Variants in PLEKHG4B observed in about 807,000 individuals in gnomAD.
The protein encoded by PLEKHG4B is pleckstrin homology domain-containing family G member 4B.
A neutral mutation model predicts 121.3 loss-of-function variants in PLEKHG4B; 111 were observed. The observed-to-expected ratio is 0.92, with a 90% CI of 0.78 to 1.07. PLEKHG4B has a LOEUF of 1.07. PLEKHG4B is among the 50% of genes least tolerant of loss of function. PLEKHG4B has a pLI of 0.00. For synonymous variants in PLEKHG4B, 738 were observed against 725.0 expected, an observed-to-expected ratio of 1.02 and a Z score of -0.29; for missense variants, 1,831 against 1,757.8, an observed-to-expected ratio of 1.04 and a Z score of -0.74.
chr5:92,828 G>A (rs1419520386), intron 1 of PLEKHG4B, among the ~76,000 whole-genome samples: 2 of 151,990 alleles, frequency 1.3e-5, no homozygotes, highest in African/African-American at 2.4e-5. Flanking sequence ...GTGGTGGCCC[G>A]GAACAAAGAG....
At chr5:134,113 ATATATATATG>A (rs1208707836) in intron 2 of PLEKHG4B, among the ~76,000 whole-genome samples, 6 of 125,780 alleles carry the variant, frequency 4.8e-5, no homozygotes, top group Admixed American at 8.0e-5. Flanking sequence ...ATATATATAT[ATATATATATG>A]TGATGGAATA....
intron 1 of PLEKHG4B, among the ~76,000 whole-genome samples, chr5:112,757 G>A (rs1734193216): frequency 6.6e-6 from 1 of 152,206 alleles, no homozygotes; most frequent in Non-Finnish European, 1.5e-5. Flanking sequence ...TGTTTTCTGA[G>A]AACAAAGTGG....
At chr5:93,677 G>A (rs1314246973) in intron 1 of PLEKHG4B, among the ~76,000 whole-genome samples, 1 of 152,224 alleles carries the variant, frequency 6.6e-6, no homozygotes, top group Non-Finnish European at 1.5e-5. Context: ...TCCTGGTAGA[G>A]GGGCGCTGCT....
At chr5:151,101 C>G (rs1275729083) in intron 6 of PLEKHG4B, among the ~76,000 whole-genome samples, 1 of 152,186 alleles carries the variant, frequency 6.6e-6, no homozygotes, top group Non-Finnish European at 1.5e-5. Context: ...CTATTTATGT[C>G]TAGAAAAGGC....
At chr5:96,318 G>C (rs1426733056) in intron 1 of PLEKHG4B, among the ~76,000 whole-genome samples, 1 of 152,182 alleles carries the variant, frequency 6.6e-6, no homozygotes, top group Non-Finnish European at 1.5e-5. Context: ...TGAAATGAGA[G>C]AGATGGAGAT....
At chr5:136,282 C>A (rs925400384) in intron 2 of PLEKHG4B, among the ~76,000 whole-genome samples, 6 of 152,124 alleles carry the variant, frequency 3.9e-5, no homozygotes, top group African/African-American at 1.2e-4. Context: ...TTAGATATGA[C>A]ACCAAAAGCA....
At position 164,518 on chromosome 5, in the gene PLEKHG4B, CAG is replaced by C. The variant is rs567601656; in HGVS notation, c.3476+971_3476+972del. 4.8e-3 allele frequency among the ~76,000 whole-genome samples: 421 copies of C among 87,492 alleles called. 12 individuals carry two copies. Among genetic ancestry groups the C allele is most frequent in the South Asian group, 7.7e-3 (23 of 2,980 alleles). 57.4% of individuals were successfully genotyped at this position (87,492 alleles called of 152,430 possible). On this transcript the variant is annotated intron_variant, in intron 13 of 19. Coordinates refer to ENST00000637938, the MANE Select transcript of PLEKHG4B (RefSeq NM_052909.5). ...GCTCTGACAGGGGGCGGAGCTCACA[CAG>C]TAATGCTGTGACAGGGGGCGGAGCT... is the stretch of plus-strand genomic sequence containing the variant.
intron 13 of PLEKHG4B, among the ~76,000 whole-genome samples, chr5:166,517 A>AGCTCACACTAATGCTCTGACGGGGCGGG (rs1288948536): frequency 6.5e-5 from 2 of 30,710 alleles, no homozygotes; most frequent in East Asian, 6.6e-4. Flanking sequence ...GACGGGGCGG[A>AGCTCACACTAATGCTCTGACGGGGCGGG]GCTCACACTA....
rs969253299 is a variant in PLEKHG4B at position 163,042 on chromosome 5, A to G, written c.2970A>G (p.Pro990=). ...AQEAMRRHQK[P]PSFPSTDSGG... ...AGGCCATGAGGAGGCACCAGAAGCC[A>G]CCCTCATTCCCCAGCACGGACAGTG... The change falls in exon 13 of 20, where the codon CCA becomes CCG. Residue 990 remains proline (P), a synonymous_variant. Coordinates refer to ENST00000637938, the MANE Select transcript of PLEKHG4B (RefSeq NM_052909.5). 5.8e-6 allele frequency: 9 copies of G among 1,560,446 alleles called. No individual in the cohort carries two copies. Among genetic ancestry groups the G allele is most frequent in the Middle Eastern group, 1.7e-4 (1 of 6,024 alleles).
At chr5:145,069 T>C (rs773255812) in intron 6 of PLEKHG4B, 149 bp downstream of exon 6, 46 of 629,794 alleles carry the variant, frequency 7.3e-5, no homozygotes, top group Admixed American at 2.8e-4. Flanking sequence ...AGCCACCTCC[T>C]TCTTGGGGTC....
chr5:153,143 A>G (rs1398446598), intron 7 of PLEKHG4B, among the ~76,000 whole-genome samples: 1 of 152,148 alleles, frequency 6.6e-6, no homozygotes, highest in African/African-American at 2.4e-5. Context: ...TTTAAAATAT[A>G]TTTTCTACAT....
At chr5:124,408 T>G (rs1400447410) in intron 2 of PLEKHG4B, among the ~76,000 whole-genome samples, 1 of 152,222 alleles carries the variant, frequency 6.6e-6, no homozygotes, top group African/African-American at 2.4e-5. Context: ...ATTTATGGTG[T>G]TGTTAAAGTC....
At chr5:142,976 C>A (rs1057408357) in intron 3 of PLEKHG4B, 71 bp from the exon 4 acceptor site, 34 of 1,416,598 alleles carry the variant, frequency 2.4e-5, no homozygotes, top group Non-Finnish European at 3.2e-5. Context: ...TCATAGCAAG[C>A]TGAGCATAGC....
chr5:127,340 T>TTTTTTATTATTATTATTATTATTA (rs146821461), intron 2 of PLEKHG4B, among the ~76,000 whole-genome samples: 1 of 135,566 alleles, frequency 7.4e-6, no homozygotes, highest in Non-Finnish European at 1.6e-5. Flanking sequence ...ATTGTTGGTT[T>TTTTTTATTATTATTATTATTATTA]TTATTATTAT....
chr5:152,853 T>C (rs1735649836), intron 7 of PLEKHG4B, among the ~76,000 whole-genome samples: 1 of 152,208 alleles, frequency 6.6e-6, no homozygotes, highest in Admixed American at 6.5e-5. Context: ...TGAGTTCTCA[T>C]GAGAGCTGAT....
In PLEKHG4B at chr5:105,946, T is replaced by C. The variant is rs142703787; in HGVS notation, c.46-7305T>C. ...GCTCTGTCGTGGGACCAGGTATTGA[T>C]GGAAGGCAGCAATTTCCCTAATTGG... On this transcript the variant is annotated intron_variant, in intron 1 of 19. Transcript: ENST00000637938. Among the ~76,000 whole-genome samples the C allele has an allele frequency of 2.4e-4, 37 of 152,338 alleles. 1 individual carries two copies. The highest frequency in any genetic ancestry group is 8.5e-4 in the Admixed American group (13 of 15,304).
chr5:110,851 G>A lies in PLEKHG4B; in HGVS notation c.46-2400G>A, dbSNP rs188291736. ...AAACTGGAAGGCCCTCGGGTTTGAA[G>A]TCAGCACACGTTTGTACATTTGGCA... On this transcript the variant is annotated intron_variant, in intron 1 of 19. Transcript: ENST00000637938. Among the ~76,000 whole-genome samples the A allele has an allele frequency of 2.9e-3, 437 of 152,384 alleles. 4 individuals carry two copies. The highest frequency in any genetic ancestry group is 0.01 in the African/African-American group (416 of 41,596).
chr5:145,214 G>C (rs1735365961), intron 6 of PLEKHG4B, among the ~76,000 whole-genome samples: 1 of 152,362 alleles, frequency 6.6e-6, no homozygotes, highest in African/African-American at 2.4e-5. Context: ...AAGCCAGCCA[G>C]GCCCGGGTGG....
chr5:93,625 G>T (rs1171662174), intron 1 of PLEKHG4B, among the ~76,000 whole-genome samples: 1 of 152,262 alleles, frequency 6.6e-6, no homozygotes, highest in African/African-American at 2.4e-5. Context: ...GTAGGCCAGG[G>T]TGTCAGGTCC....
Sources: gnomAD v4.1 joint callset for allele counts (sites outside exome capture counted in the v4.1 genomes callset) on GRCh38, gnomAD v4.1.1 for gene constraint, MANE v1.5 for transcripts, NCBI Gene and HGNC (gene_info 2026-07-23, HGNC 2026-07-21) for gene names.